COL4A4: variants seen among roughly 807,000 people sequenced by gnomAD.
COL4A4 encodes collagen type IV alpha 4 chain.
In COL4A4, 105 loss-of-function variants were observed where a neutral mutation model predicts 192.9. The ratio of observed to expected loss-of-function variants is 0.54; its 90% CI spans 0.46 to 0.64. The LOEUF (loss-of-function observed/expected upper bound fraction) is 0.64, where lower values mean the gene tolerates loss of function less well. Ranked by LOEUF, COL4A4 falls within the 30% of genes least tolerant of loss-of-function variation. The pLI is 0.00. For missense variants in COL4A4, 1,967 were observed against 2,169.3 expected (o/e 0.91, Z 1.85); for synonymous variants, 762 against 769.9 (o/e 0.99, Z 0.17).
At chr2:226,980,020 T>G in the COL4A4 span, among the ~76,000 whole-genome samples, 1 of 152,024 alleles carries the variant, frequency 6.6e-6, no homozygotes, top group Non-Finnish European at 1.5e-5. Flanking sequence ...GACTCTAGGG[T>G]CTGGGCTTGT....
intron 10 of COL4A4, 100 bp from the exon 11 acceptor site, chr2:227,108,968 C>G: frequency 1.6e-6 from 2 of 1,223,038 alleles, no homozygotes; most frequent in Non-Finnish European, 2.4e-6. Context: ...TTAGGAAACC[C>G]TTAATTTTAA....
chr2:227,055,866 G>A, intron 30 of COL4A4, 79 bp downstream of exon 30: 2 of 1,284,374 alleles, frequency 1.6e-6, no homozygotes, highest in South Asian at 1.3e-5. Context: ...TTTTTGTGTG[G>A]TCATCTGTCC....
chr2:227,098,669 C>CCAGGGCACAT, intron 19 of COL4A4, 25 bp downstream of exon 19: 2 of 1,585,042 alleles, frequency 1.3e-6, no homozygotes, highest in Non-Finnish European at 8.7e-7. Context: ...CCTGTAAAAG[C>CCAGGGCACAT]CAGGGCACAT....
At chr2:227,046,249 C>A (rs1171913825) in intron 35 of COL4A4, among the ~76,000 whole-genome samples, 2 of 150,206 alleles carry the variant, frequency 1.3e-5, no homozygotes, top group African/African-American at 5.0e-5. Context: ...AATAAAATTT[C>A]TCATATAGTT....
At chr2:227,055,780 G>A (rs1272177924) in intron 30 of COL4A4, among the ~76,000 whole-genome samples, 165 bp downstream of exon 30, 1 of 152,144 alleles carries the variant, frequency 6.6e-6, no homozygotes, top group African/African-American at 2.4e-5. Context: ...TTTCGCCACT[G>A]GAAATAACGA....
In COL4A4 at chr2:227,091,297, GATATAA is replaced by G. The variant is rs1333250804; in HGVS notation, c.1370-1346_1370-1341del. Among the ~76,000 whole-genome samples the G allele has an allele frequency of 2.9e-3, 410 of 143,026 alleles. 2 individuals carry two copies. The highest frequency in any genetic ancestry group is 9.3e-3 in the African/African-American group (335 of 36,158). The allele number at this position is 143,026 out of a possible 152,430, so 93.8% of individuals were successfully genotyped here. The stretch of plus-strand genomic sequence containing the variant: ...AGATATAGATATAGATATAGATATA[GATATAA>G]ATAGATCATGAGAGCAGAAATTTAA... On this transcript the variant is annotated intron_variant, in intron 20 of 47. Transcript: ENST00000396625.
At chr2:227,019,450 C>T (rs2149825904) in intron 44 of COL4A4, among the ~76,000 whole-genome samples, 1 of 152,332 alleles carries the variant, frequency 6.6e-6, no homozygotes, top group African/African-American at 2.4e-5. Context: ...AAGGATGTTG[C>T]TAACTCCTAG....
the COL4A4 span, among the ~76,000 whole-genome samples, chr2:226,980,126 C>T: frequency 3.9e-5 from 6 of 152,170 alleles, no homozygotes; most frequent in African/African-American, 1.4e-4. Flanking sequence ...CCTTTCATTG[C>T]TTTGACCCAG....
At chr2:227,012,388 GC>G in intron 44 of COL4A4, 91 bp from the exon 45 acceptor site, 2 of 983,560 alleles carry the variant, frequency 2.0e-6, no homozygotes, top group Non-Finnish European at 1.6e-6. Context: ...CCGTGTGCCA[GC>G]CCCAGGCTTC....
At chr2:227,064,183 T>A (rs2150325341) in intron 25 of COL4A4, among the ~76,000 whole-genome samples, 1 of 152,174 alleles carries the variant, frequency 6.6e-6, no homozygotes, top group Admixed American at 6.5e-5. Flanking sequence ...ATTCAGGATA[T>A]GAACAAAAAA....
At chr2:227,002,168 CAAAAAAAA>C (rs55908824), downstream of COL4A4, among the ~76,000 whole-genome samples, 743 of 76,222 alleles carry the variant, frequency 9.7e-3, 11 homozygotes, top group African/African-American at 0.035. Flanking sequence ...GACCCTGTCT[CAAAAAAAA>C]AAAAAAAAAA....
intron 25 of COL4A4, among the ~76,000 whole-genome samples, chr2:227,065,671 G>C (rs1453177264): frequency 3.9e-5 from 6 of 152,168 alleles, no homozygotes; most frequent in Non-Finnish European, 8.8e-5. Flanking sequence ...TGAGGGTACT[G>C]TTAGAAGGAA....
At chr2:226,989,786 G>GA in the COL4A4 span, among the ~76,000 whole-genome samples, 3 of 152,184 alleles carry the variant, frequency 2.0e-5, no homozygotes, top group Non-Finnish European at 4.4e-5. Context: ...TAACCAACTG[G>GA]AGGGGAGAGA....
intron 25 of COL4A4, among the ~76,000 whole-genome samples, chr2:227,070,610 A>G (rs369357081): frequency 6.6e-6 from 1 of 151,676 alleles, no homozygotes; most frequent in Admixed American, 6.6e-5. Context: ...TCAGTAAACT[A>G]TCGCAAGAAC....
Position 227,022,130 on chromosome 2 carries a change from G to A in COL4A4, c.4134C>T (p.Ile1378=), listed in dbSNP as rs1559429872. Reference sequence around the variant, plus strand: ...TGCCTGGCGCCCCAGGAAGGCCTGGGATTCGGGGACAGTCATCCACATCTG... The same window carrying A: ...TGCCTGGCGCCCCAGGAAGGCCTGGAATTCGGGGACAGTCATCCACATCTG... ...PPADVDDCPR[I]PGLPGAPGMR... The change falls in exon 44 of 48, where the codon ATC becomes ATT. Residue 1378 remains isoleucine, a synonymous_variant. Coordinates refer to ENST00000396625, the MANE Select transcript of COL4A4 (RefSeq NM_000092.5). 6.2e-7 allele frequency: 1 copy of A among 1,614,140 alleles called. No homozygotes were observed. The highest frequency in any genetic ancestry group is 8.5e-7 in the Non-Finnish European group (1 of 1,180,034).
At chr2:227,047,737 A>G (rs1338135427) in intron 34 of COL4A4, among the ~76,000 whole-genome samples, 188 bp from the exon 35 acceptor site, 1 of 144,004 alleles carries the variant, frequency 6.9e-6, no homozygotes, top group African/African-American at 2.8e-5. Flanking sequence ...CATACCACAC[A>G]CACACACACA....
At chr2:227,134,134 A>T (rs2062664319) in intron 4 of COL4A4, among the ~76,000 whole-genome samples, 1 of 152,046 alleles carries the variant, frequency 6.6e-6, no homozygotes, top group Non-Finnish European at 1.5e-5. Flanking sequence ...TGGGTTTTTT[A>T]AAAATTCTGA....
intron 20 of COL4A4, among the ~76,000 whole-genome samples, chr2:227,090,778 A>C (rs2059874619): frequency 6.6e-6 from 1 of 150,888 alleles, no homozygotes; most frequent in South Asian, 2.1e-4. Flanking sequence ...TAAATAAATA[A>C]AATAAATAAA....
chr2:227,134,190 G>C (rs1296364656), intron 4 of COL4A4, among the ~76,000 whole-genome samples: 1 of 152,146 alleles, frequency 6.6e-6, no homozygotes, highest in Non-Finnish European at 1.5e-5. Context: ...GCTCCTAGTA[G>C]CCCCATCCTG....
Sources: allele counts gnomAD v4.1 joint callset (sites outside exome capture counted in the v4.1 genomes callset), GRCh38; gene constraint gnomAD v4.1.1; transcripts MANE v1.5; gene names NCBI Gene and HGNC (gene_info 2026-07-23, HGNC 2026-07-21).